The following GPATCH8 variants were observed in gnomAD, a reference collection of about 807,000 sequenced individuals.
GPATCH8 encodes the protein G patch domain-containing protein 8.
GPATCH8 carries 18 observed loss-of-function variants against 118.3 expected under a neutral mutation model. That is an observed-to-expected ratio of 0.15 (90% CI 0.11 to 0.23). The LOEUF (loss-of-function observed/expected upper bound fraction) is 0.23. GPATCH8 is among the 10% of genes least tolerant of loss of function. The pLI, the probability that GPATCH8 is intolerant of heterozygous loss-of-function variation, is 1.00. For synonymous variants in GPATCH8, 659 were observed against 684.7 expected (o/e 0.96, Z 0.59); for missense variants, 1,631 against 1,873.8 (o/e 0.87, Z 2.39).
chr17:44,396,890 A>C lies in GPATCH8; in HGVS notation c.*678T>G. The C allele has an allele frequency of 2.2e-6, 1 of 454,186 alleles. No individual in the cohort carries two copies. Among genetic ancestry groups the C allele is most frequent in the South Asian group, 1.6e-5 (1 of 64,462 alleles). The allele number at this position is 454,186 out of a possible 1,614,324, so 28.1% of individuals were successfully genotyped here. On this transcript the variant is annotated 3_prime_UTR_variant, in exon 8 of 8. Coordinates refer to ENST00000591680, the MANE Select transcript of GPATCH8 (RefSeq NM_001002909.4). Reference sequence around the variant, plus strand: ...CCATACAGCTTTTATTCATGATAGGATCTTCTTTTCTGGGATATGGAGATG... The same window carrying C: ...CCATACAGCTTTTATTCATGATAGGCTCTTCTTTTCTGGGATATGGAGATG...
At chr17:44,449,895 G>T (rs951292623) in intron 3 of GPATCH8, among the ~76,000 whole-genome samples, 10 of 152,224 alleles carry the variant, frequency 6.6e-5, no homozygotes, top group African/African-American at 2.4e-4. Context: ...TGGGGTAGAA[G>T]TAAGAAGACT....
chr17:44,471,223 A>T (rs1211306283), intron 2 of GPATCH8, among the ~76,000 whole-genome samples: 3 of 152,214 alleles, frequency 2.0e-5, no homozygotes, highest in African/African-American at 7.2e-5. Flanking sequence ...TGCTTTACAA[A>T]TACTGGATTT....
rs1567966265 is a variant in GPATCH8, at chr17:44,422,359, T to A, written c.492+1990A>T. Among the ~76,000 whole-genome samples, 3 of 152,164 alleles carry A rather than the reference T, an allele frequency of 2.0e-5. No individual in the cohort carries two copies. In the East Asian group the frequency reaches 5.8e-4, roughly 29 times the overall value. ...CACACCCAGCTAATTACATTTTTTG[T>A]AATTAGCTTAGATTGGGGGGCAGGT... On this transcript the variant is annotated intron_variant, in intron 6 of 7. Coordinates refer to ENST00000591680, the MANE Select transcript of GPATCH8 (RefSeq NM_001002909.4).
chr17:44,455,235 C>T (rs1266211031), intron 3 of GPATCH8, among the ~76,000 whole-genome samples: 1 of 152,184 alleles, frequency 6.6e-6, no homozygotes, highest in Non-Finnish European at 1.5e-5. Flanking sequence ...GGCATGGTGG[C>T]TCACGCCTGT....
At chr17:44,456,851 T>C (rs1004236151) in intron 3 of GPATCH8, among the ~76,000 whole-genome samples, 3 of 151,908 alleles carry the variant, frequency 2.0e-5, no homozygotes, top group African/African-American at 7.2e-5. Flanking sequence ...TTTTGAATAG[T>C]AATACAAGTA....
intron 3 of GPATCH8, among the ~76,000 whole-genome samples, chr17:44,443,958 G>A (rs1432819577): frequency 1.3e-5 from 2 of 152,172 alleles, no homozygotes; most frequent in Non-Finnish European, 2.9e-5. Context: ...ACAGACATGA[G>A]CCATGGTGCC....
intron 6 of GPATCH8, among the ~76,000 whole-genome samples, chr17:44,413,985 T>A (rs2049551102): frequency 6.6e-6 from 1 of 151,654 alleles, no homozygotes; most frequent in Non-Finnish European, 1.5e-5. Flanking sequence ...GTTTTGCTAT[T>A]TTCAGGAATT....
chr17:44,489,217 T>C (rs952665506), intron 1 of GPATCH8, among the ~76,000 whole-genome samples: 6 of 152,130 alleles, frequency 3.9e-5, no homozygotes, highest in Non-Finnish European at 7.4e-5. Context: ...TAATGCTTAG[T>C]ATATGGATAA....
At chr17:44,482,914 T>C (rs930508930) in intron 1 of GPATCH8, among the ~76,000 whole-genome samples, 7 of 150,580 alleles carry the variant, frequency 4.6e-5, no homozygotes, top group African/African-American at 1.5e-4. Context: ...CCCAGCACTT[T>C]GGGAGGCCGA....
intron 6 of GPATCH8, among the ~76,000 whole-genome samples, chr17:44,413,357 G>C (rs1207005763): frequency 6.6e-6 from 1 of 151,914 alleles, no homozygotes; most frequent in Non-Finnish European, 1.5e-5. Flanking sequence ...TGCAACCTCC[G>C]CCTCCCACAT....
rs771089021 is a variant in GPATCH8 at position 44,399,660 on chromosome 17, C to T, written c.2417G>A (p.Arg806Gln). 15 of 1,614,156 alleles carry T rather than the reference C, an allele frequency of 9.3e-6. No individual in the cohort carries two copies. Among genetic ancestry groups the T allele is most frequent in the South Asian group, 5.5e-5 (5 of 91,076 alleles). Residue 806 changes from arginine to glutamine, a missense_variant, in exon 8 of 8, where the codon CGG (arginine) becomes CAG (glutamine). Transcript: ENST00000591680. ...ACTGGGTTGGCTCCGATGGCTAGACCGGCTGCTCCGTTTGGTGCCTGCTCT... is the reference window on the plus strand; with the variant it reads ...ACTGGGTTGGCTCCGATGGCTAGACTGGCTGCTCCGTTTGGTGCCTGCTCT... ...QRRAGTKRSS[R>Q]SSHRSQPSSG...
chr17:44,400,444 C>T lies in GPATCH8; in HGVS notation c.1633G>A (p.Glu545Lys). 1.2e-6 allele frequency: 2 copies of T among 1,614,186 alleles called. No homozygotes were observed. The highest frequency in any genetic ancestry group is 2.2e-5 in the East Asian group (1 of 44,890). The change falls in exon 8 of 8, where the codon GAA (glutamate) becomes AAA (lysine). Residue 545 changes from glutamate (E) to lysine (K), a missense_variant. Glu to Lys is a moderately conservative substitution (Grantham distance 56). Transcript: ENST00000591680. ...GATGGCCACTGGAGGGCAGTGCTTT[C>T]ATCTTTGCTCAAAACTGGGAAGAAG... ...GPFFPVLSKD[E>K]STALQWPSEL...
intron 3 of GPATCH8, among the ~76,000 whole-genome samples, chr17:44,444,075 AT>A (rs527800156): frequency 1.3e-5 from 2 of 152,196 alleles, no homozygotes; most frequent in Non-Finnish European, 2.9e-5. Flanking sequence ...AAATAGTTCA[AT>A]TTTAATCATA....
At chr17:44,484,203 C>G (rs531192452) in intron 1 of GPATCH8, among the ~76,000 whole-genome samples, 1 of 151,990 alleles carries the variant, frequency 6.6e-6, no homozygotes, top group Non-Finnish European at 1.5e-5. Flanking sequence ...AGGCTAGTCT[C>G]GAACTCCTGG....
chr17:44,468,080 A>G (rs1239211160), intron 2 of GPATCH8, among the ~76,000 whole-genome samples: 2 of 151,724 alleles, frequency 1.3e-5, no homozygotes, highest in South Asian at 2.1e-4. Flanking sequence ...GCTCACTACA[A>G]TCTCCACCTC....
intron 5 of GPATCH8, among the ~76,000 whole-genome samples, chr17:44,430,705 C>T (rs2050275793): frequency 6.6e-6 from 1 of 151,530 alleles, no homozygotes; most frequent in Non-Finnish European, 1.5e-5. Context: ...TGCAGTGGTG[C>T]GATCTTGGCT....
chr17:44,399,664 T>G lies in GPATCH8; in HGVS notation c.2413A>C (p.Ser805Arg). ...CQRRAGTKRS[S>R]RSSHRSQPSS... The stretch of plus-strand genomic sequence containing the variant: ...GGTTGGCTCCGATGGCTAGACCGGC[T>G]GCTCCGTTTGGTGCCTGCTCTTCGC... The change falls in exon 8 of 8, where the codon AGC (serine) becomes CGC (arginine). Residue 805 changes from serine to arginine, a missense_variant. Transcript: ENST00000591680. The G allele has an allele frequency of 6.2e-7, 1 of 1,614,198 alleles. No homozygotes were observed. The highest frequency in any genetic ancestry group is 8.5e-7 in the Non-Finnish European group (1 of 1,180,034).
At chr17:44,461,000 T>A (rs771061620) in intron 3 of GPATCH8, among the ~76,000 whole-genome samples, 2 of 152,144 alleles carry the variant, frequency 1.3e-5, no homozygotes, top group Non-Finnish European at 2.9e-5. Flanking sequence ...CAAACTCAAT[T>A]CTTAATGTTG....
chr17:44,437,313 T>A (rs2050546340), intron 3 of GPATCH8, among the ~76,000 whole-genome samples: 1 of 152,138 alleles, frequency 6.6e-6, no homozygotes, highest in South Asian at 2.1e-4. Flanking sequence ...TGGATAATTT[T>A]TTTAATAAAT....
Sources: allele counts gnomAD v4.1 joint callset (sites outside exome capture counted in the v4.1 genomes callset), GRCh38; gene constraint gnomAD v4.1.1; transcripts MANE v1.5; gene names NCBI Gene and HGNC (gene_info 2026-07-23, HGNC 2026-07-21).